Variants in CNTN3 observed in about 807,000 individuals in gnomAD.
CNTN3 encodes contactin 3.
CNTN3 carries 60 observed loss-of-function variants against 119.1 expected under a neutral mutation model. The observed-to-expected ratio is 0.50, with a 90% CI of 0.41 to 0.62. The LOEUF (loss-of-function observed/expected upper bound fraction) is 0.62, where lower values mean the gene tolerates loss of function less well. Ranked by LOEUF, CNTN3 falls within the 20% of genes least tolerant of loss-of-function variation. CNTN3 has a pLI of 0.00. For missense variants in CNTN3, 1,101 were observed against 1,242.4 expected, an observed-to-expected ratio of 0.89 and a Z score of 1.71; for synonymous variants, 450 against 438.7, an observed-to-expected ratio of 1.03 and a Z score of -0.32.
At chr3:74,308,010 G>T (rs1702599028) in intron 13 of CNTN3, among the ~76,000 whole-genome samples, 1 of 152,082 alleles carries the variant, frequency 6.6e-6, no homozygotes, top group Admixed American at 6.6e-5. Context: ...TCCAAACCCT[G>T]ACATTACATG....
chr3:74,375,447 T>G (rs1704455203), intron 5 of CNTN3, among the ~76,000 whole-genome samples: 2 of 152,114 alleles, frequency 1.3e-5, no homozygotes, highest in South Asian at 4.1e-4. Context: ...TTCTAATGCC[T>G]GAAACCTGAA....
At chr3:74,455,495 C>T (rs544967020) in intron 4 of CNTN3, among the ~76,000 whole-genome samples, 5 of 152,218 alleles carry the variant, frequency 3.3e-5, no homozygotes, top group Admixed American at 1.3e-4. Flanking sequence ...CTTCTTCTCT[C>T]GACTCGTCAA....
At chr3:74,570,495 G>A (rs200197445) in intron 1 of CNTN3, among the ~76,000 whole-genome samples, 3,919 of 106,622 alleles carry the variant, frequency 0.037, 88 homozygotes, top group Admixed American at 0.088. Context: ...CATTAAATGC[G>A]GGAAAAAAAA....
intron 1 of CNTN3, among the ~76,000 whole-genome samples, chr3:74,536,673 T>C (rs2107142138): frequency 6.6e-6 from 1 of 152,224 alleles, no homozygotes. Context: ...ACTTACTTCC[T>C]GCTTACTTAG....
At chr3:74,342,732 T>C (rs1703578315) in intron 11 of CNTN3, among the ~76,000 whole-genome samples, 1 of 152,172 alleles carries the variant, frequency 6.6e-6, no homozygotes, top group African/African-American at 2.4e-5. Context: ...TTTATGACAA[T>C]GACTGAATAG....
rs998744539 is a variant in CNTN3, at chr3:74,430,097, G to A, written c.359-5157C>T. Among the ~76,000 whole-genome samples the A allele has an allele frequency of 6.8e-4, 104 of 152,262 alleles. 3 individuals carry two copies. Among genetic ancestry groups the A allele is most frequent in the Admixed American group, 2.3e-3 (35 of 15,288 alleles). Reference sequence around the variant, plus strand: ...CATGTTTTTTAGTTTCCTGTAAAACGAACCACACGTAACTACCATATGACC... The same window carrying A: ...CATGTTTTTTAGTTTCCTGTAAAACAAACCACACGTAACTACCATATGACC... On this transcript the variant is annotated intron_variant, in intron 4 of 22. Transcript: ENST00000263665.
chr3:74,307,816 G>T (rs766156256), intron 13 of CNTN3, among the ~76,000 whole-genome samples: 7 of 152,102 alleles, frequency 4.6e-5, no homozygotes, highest in Non-Finnish European at 7.4e-5. Flanking sequence ...AGCAAATAAT[G>T]AATTCGCTAG....
intron 11 of CNTN3, among the ~76,000 whole-genome samples, chr3:74,340,705 G>T (rs2106723462): frequency 6.6e-6 from 1 of 152,246 alleles, no homozygotes; most frequent in South Asian, 2.1e-4. Context: ...AAATTAATCT[G>T]CCCTAAATTA....
chr3:74,405,286 G>A (rs546290641), intron 5 of CNTN3, among the ~76,000 whole-genome samples: 1 of 151,866 alleles, frequency 6.6e-6, no homozygotes, highest in South Asian at 2.1e-4. Flanking sequence ...TCTTTGAAAT[G>A]CCCCCTTAAT....
At chr3:74,401,120 T>C (rs1488204471) in intron 5 of CNTN3, among the ~76,000 whole-genome samples, 2 of 152,048 alleles carry the variant, frequency 1.3e-5, no homozygotes, top group African/African-American at 2.4e-5. Flanking sequence ...AACTGACAGG[T>C]TATATGTGCC....
chr3:74,400,911 G>GTT (rs1222007158), intron 5 of CNTN3, among the ~76,000 whole-genome samples: 1 of 152,140 alleles, frequency 6.6e-6, no homozygotes, highest in African/African-American at 2.4e-5. Context: ...TTATGTTTGC[G>GTT]TGAGTTTGTG....
At chr3:74,317,338 T>C (rs1037673109) in intron 13 of CNTN3, among the ~76,000 whole-genome samples, 45 of 151,944 alleles carry the variant, frequency 3.0e-4, no homozygotes, top group Middle Eastern at 3.4e-3. Context: ...CCCATTTACA[T>C]TTAAAGTTAA....
intron 4 of CNTN3, among the ~76,000 whole-genome samples, chr3:74,476,633 A>G (rs571004373): frequency 2.2e-4 from 33 of 152,202 alleles, no homozygotes; most frequent in Non-Finnish European, 4.4e-4. Context: ...CTATGAATGA[A>G]TACCTAAATA....
chr3:74,578,061 C>A (rs184766646), intron 1 of CNTN3, among the ~76,000 whole-genome samples: 2 of 152,002 alleles, frequency 1.3e-5, no homozygotes, highest in Admixed American at 6.6e-5. Context: ...TATCAACCTC[C>A]TTACAAGGTC....
At position 74,449,069 on chromosome 3, in the gene CNTN3, T is replaced by C. The variant is rs563134316; in HGVS notation, c.359-24129A>G. ...CTCCTTCTATTTTGATCTGTGCTTG[T>C]CCTATTTTATATTAATTTCCTTCTG... On this transcript the variant is annotated intron_variant, in intron 4 of 22. Transcript: ENST00000263665. Among the ~76,000 whole-genome samples the C allele has an allele frequency of 2.6e-4, 40 of 152,154 alleles. No homozygotes were observed. In the South Asian group the frequency reaches 8.3e-3, roughly 32 times the overall value.
chr3:74,433,888 C>T (rs1701826397), intron 4 of CNTN3, among the ~76,000 whole-genome samples: 1 of 152,180 alleles, frequency 6.6e-6, no homozygotes. Flanking sequence ...CCTTGTTCTT[C>T]TATTCTGGGG....
chr3:74,330,339 C>G (rs890491122), intron 13 of CNTN3, among the ~76,000 whole-genome samples: 1 of 149,590 alleles, frequency 6.7e-6, no homozygotes, highest in Non-Finnish European at 1.5e-5. Flanking sequence ...CTGAGTGACA[C>G]AGTGAGACCC....
At chr3:74,599,504 A>G (rs768296541) in intron 1 of CNTN3, among the ~76,000 whole-genome samples, 2 of 152,000 alleles carry the variant, frequency 1.3e-5, no homozygotes, top group African/African-American at 2.4e-5. Context: ...AACTGCTCCA[A>G]CTCAGATCAT....
intron 19 of CNTN3, among the ~76,000 whole-genome samples, chr3:74,291,513 A>C (rs1702229699): frequency 6.6e-6 from 1 of 152,114 alleles, no homozygotes; most frequent in Non-Finnish European, 1.5e-5. Context: ...TTACAGTCCC[A>C]CCAACAGTGT....
Sources: allele counts gnomAD v4.1 joint callset (sites outside exome capture counted in the v4.1 genomes callset), GRCh38; gene constraint gnomAD v4.1.1; transcripts MANE v1.5; gene names NCBI Gene and HGNC (gene_info 2026-07-23, HGNC 2026-07-21).